Variants in RBFOX3 observed in about 807,000 individuals in gnomAD.
RBFOX3 encodes RNA binding fox-1 homolog 3.
Under a neutral mutation model 48.7 loss-of-function variants are expected in RBFOX3, and 17 were observed. The observed-to-expected ratio is 0.35, with a 90% CI of 0.24 to 0.52. The LOEUF (loss-of-function observed/expected upper bound fraction) is 0.52. Ranked by LOEUF, RBFOX3 falls within the 20% of genes least tolerant of loss-of-function variation. The pLI is 0.94. For missense variants in RBFOX3, 382 were observed against 497.5 expected, an observed-to-expected ratio of 0.77 and a Z score of 2.21; for synonymous variants, 212 against 209.5, an observed-to-expected ratio of 1.01 and a Z score of -0.10.
At chr17:79,551,393 G>T (rs1334607745) in intron 1 of RBFOX3, among the ~76,000 whole-genome samples, 1 of 152,082 alleles carries the variant, frequency 6.6e-6, no homozygotes, top group African/African-American at 2.4e-5. Flanking sequence ...TGGAGGTGGG[G>T]CCTGGTGGAA....
intron 2 of RBFOX3, among the ~76,000 whole-genome samples, chr17:79,425,730 G>A (rs1300130920): frequency 6.6e-6 from 1 of 152,142 alleles, no homozygotes; most frequent in South Asian, 2.1e-4. Context: ...GGCGGCAAGA[G>A]CAGAGGGAGC....
At chr17:79,207,094 T>C (rs1470321082) in intron 4 of RBFOX3, among the ~76,000 whole-genome samples, 1 of 152,214 alleles carries the variant, frequency 6.6e-6, no homozygotes, top group Non-Finnish European at 1.5e-5. Context: ...GTTTTCTCTG[T>C]TTGCCTGTCT....
chr17:79,096,237 G>T (rs1782698542), intron 12 of RBFOX3, among the ~76,000 whole-genome samples: 1 of 152,158 alleles, frequency 6.6e-6, no homozygotes, highest in Admixed American at 6.5e-5. Context: ...CCCCATCAAG[G>T]GGGGTAGGCC....
chr17:79,347,649 T>C (rs918812617), intron 2 of RBFOX3, among the ~76,000 whole-genome samples: 2 of 152,254 alleles, frequency 1.3e-5, no homozygotes, highest in African/African-American at 2.4e-5. Context: ...ACTTTTCTCC[T>C]GTATCGCATT....
At chr17:79,148,489 G>A (rs1482645866) in intron 4 of RBFOX3, among the ~76,000 whole-genome samples, 1 of 152,154 alleles carries the variant, frequency 6.6e-6, no homozygotes, top group African/African-American at 2.4e-5. Flanking sequence ...GGAGGGAGAA[G>A]CACCCCACAC....
intron 2 of RBFOX3, among the ~76,000 whole-genome samples, chr17:79,469,162 C>T (rs1209982398): frequency 6.6e-6 from 1 of 152,070 alleles, no homozygotes; most frequent in Non-Finnish European, 1.5e-5. Flanking sequence ...CCTATATTTT[C>T]CCCTACACCT....
intron 2 of RBFOX3, among the ~76,000 whole-genome samples, chr17:79,434,087 C>T (rs1440460536): frequency 6.6e-6 from 1 of 152,114 alleles, no homozygotes; most frequent in Non-Finnish European, 1.5e-5. Flanking sequence ...AACAGTGAAC[C>T]CCCCAACGGA....
intron 3 of RBFOX3, among the ~76,000 whole-genome samples, chr17:79,250,210 A>G (rs2063732270): frequency 1.3e-5 from 2 of 152,182 alleles, no homozygotes; most frequent in South Asian, 4.1e-4. Flanking sequence ...AAATGTGAAC[A>G]TGGACTTCTA....
chr17:79,540,688 G>C (rs1555789995), intron 1 of RBFOX3, among the ~76,000 whole-genome samples: 3 of 152,252 alleles, frequency 2.0e-5, no homozygotes, highest in African/African-American at 7.2e-5. Context: ...GCTACACTCG[G>C]GCCTGGAGCC....
In RBFOX3 at chr17:79,090,619, C is replaced by A. The variant is rs1358934649; in HGVS notation, c.*264G>T. On this transcript the variant is annotated 3_prime_UTR_variant, in exon 15 of 15. Transcript: ENST00000693108. ...TCCCCCACTGCCTGAGACGGAGGGG[C>A]GTGTTCCCACTGTGCTGCCAGCCAG... 2 of 496,068 alleles carry A rather than the reference C, an allele frequency of 4.0e-6. No individual in the cohort carries two copies. The highest frequency in any genetic ancestry group is 6.5e-5 in the East Asian group (2 of 30,624). 30.7% of individuals were successfully genotyped at this position (496,068 alleles called of 1,614,324 possible).
chr17:79,616,912 C>T, the RBFOX3 span, among the ~76,000 whole-genome samples: 1 of 152,194 alleles, frequency 6.6e-6, no homozygotes, highest in Admixed American at 6.5e-5. Flanking sequence ...GAGACGCCAA[C>T]CAGCTAACTT....
chr17:79,467,629 T>C (rs1598825477), intron 2 of RBFOX3, among the ~76,000 whole-genome samples: 1 of 152,080 alleles, frequency 6.6e-6, no homozygotes, highest in East Asian at 1.9e-4. Flanking sequence ...CTGCAGATGG[T>C]GGGGGGCAGC....
chr17:79,487,553 G>A (rs1032376299), intron 1 of RBFOX3, among the ~76,000 whole-genome samples: 28 of 152,302 alleles, frequency 1.8e-4, no homozygotes, highest in Admixed American at 1.6e-3. Flanking sequence ...CCTGGCCAAT[G>A]CTGGCACACA....
chr17:79,651,735 CCTT>C, the RBFOX3 span, among the ~76,000 whole-genome samples: 1 of 75,028 alleles, frequency 1.3e-5, no homozygotes, highest in Non-Finnish European at 3.9e-5. Context: ...CTCCCTCTCT[CCTT>C]CTCTCTCTGC....
intron 4 of RBFOX3, among the ~76,000 whole-genome samples, chr17:79,203,772 C>G (rs1425984021): frequency 2.6e-5 from 4 of 152,116 alleles, no homozygotes; most frequent in African/African-American, 9.7e-5. Flanking sequence ...AGACCTTTGT[C>G]TCCTAAAGCC....
At chr17:79,656,734 AAAAG>A in the RBFOX3 span, among the ~76,000 whole-genome samples, 276 of 111,040 alleles carry the variant, frequency 2.5e-3, 4 homozygotes, top group African/African-American at 0.011. Context: ...AGAAAGAAAG[AAAAG>A]AAAGAAAGAA....
At chr17:79,579,952 G>C (rs2092999446) in intron 1 of RBFOX3, among the ~76,000 whole-genome samples, 1 of 151,092 alleles carries the variant, frequency 6.6e-6, no homozygotes, top group South Asian at 2.1e-4. Context: ...GGGAGTCACA[G>C]GGTTGGGGAG....
chr17:79,601,661 T>C (rs1266900451), intron 1 of RBFOX3: 1 of 152,128 alleles, frequency 6.6e-6, no homozygotes, highest in African/African-American at 2.4e-5. Context: ...GCAAAACATA[T>C]CCGGAAGGGG....
At chr17:79,372,576 C>T (rs1490156634) in intron 2 of RBFOX3, among the ~76,000 whole-genome samples, 1 of 152,180 alleles carries the variant, frequency 6.6e-6, no homozygotes, top group African/African-American at 2.4e-5. Context: ...CCCCAGATCC[C>T]TGCCAGGATG....
Sources: allele counts gnomAD v4.1 joint callset (sites outside exome capture counted in the v4.1 genomes callset), GRCh38; gene constraint gnomAD v4.1.1; transcripts MANE v1.5; gene names NCBI Gene and HGNC (gene_info 2026-07-23, HGNC 2026-07-21).